The following GRIA4 variants were observed in gnomAD, a reference collection of about 807,000 sequenced individuals.
GRIA4 encodes the protein glutamate receptor 4.
GRIA4 carries 34 observed loss-of-function variants against 104.0 expected under a neutral mutation model. The ratio of observed to expected loss-of-function variants is 0.33; its 90% CI spans 0.25 to 0.44. The LOEUF is 0.44. Among genes scored for constraint, GRIA4 ranks in the 20% least tolerant of loss-of-function variants. The probability of loss-of-function intolerance (pLI) is 1.00; values close to 1 mark genes in which losing one functional copy is unlikely to be tolerated. For synonymous variants in GRIA4, 386 were observed against 381.9 expected, an observed-to-expected ratio of 1.01 and a Z score of -0.13; for missense variants, 750 against 1,096.5, an observed-to-expected ratio of 0.68 and a Z score of 4.46.
intron 4 of GRIA4, among the ~76,000 whole-genome samples, chr11:105,781,919 T>G (rs1333368279): frequency 2.0e-5 from 3 of 152,178 alleles, no homozygotes; most frequent in Admixed American, 6.5e-5. Context: ...TGAGTAATTT[T>G]GCTTAAGGAT....
At chr11:105,951,544 C>A (rs971169423) in intron 14 of GRIA4, among the ~76,000 whole-genome samples, 1 of 152,144 alleles carries the variant, frequency 6.6e-6, no homozygotes, top group Non-Finnish European at 1.5e-5. Flanking sequence ...TGAGTATAGT[C>A]TCAAACACCC....
At chr11:105,798,631 G>A (rs753172936) in intron 4 of GRIA4, among the ~76,000 whole-genome samples, 1 of 152,226 alleles carries the variant, frequency 6.6e-6, no homozygotes, top group South Asian at 2.1e-4. Flanking sequence ...GGAGACTGTG[G>A]CAATAATCTA....
chr11:105,904,725 T>C (rs903091834), intron 8 of GRIA4, among the ~76,000 whole-genome samples: 4 of 152,192 alleles, frequency 2.6e-5, no homozygotes, highest in Non-Finnish European at 5.9e-5. Flanking sequence ...AAAGGAAATT[T>C]GGAATAAAAT....
At chr11:105,617,671 T>C (rs1950634992) in intron 3 of GRIA4, among the ~76,000 whole-genome samples, 1 of 152,104 alleles carries the variant, frequency 6.6e-6, no homozygotes, top group Non-Finnish European at 1.5e-5. Flanking sequence ...TATTATGTAA[T>C]GAAGCCATTC....
intron 4 of GRIA4, among the ~76,000 whole-genome samples, chr11:105,791,866 A>G (rs1250086312): frequency 6.6e-6 from 1 of 152,176 alleles, no homozygotes; most frequent in Non-Finnish European, 1.5e-5. Flanking sequence ...ATAGCATTAA[A>G]GCTTAGTAAG....
chr11:105,911,977 TA>T, intron 10 of GRIA4: 1 of 1,474,690 alleles, frequency 6.8e-7, no homozygotes, highest in Non-Finnish European at 9.1e-7. Flanking sequence ...TTCTCCAGTG[TA>T]GTAAATTTAA....
intron 10 of GRIA4, among the ~76,000 whole-genome samples, chr11:105,918,379 TACTC>T (rs1311012008): frequency 6.6e-6 from 1 of 152,276 alleles, no homozygotes; most frequent in East Asian, 1.9e-4. Flanking sequence ...ATTTTAGAAA[TACTC>T]ATTTCATTGC....
At chr11:105,840,457 A>G (rs1944350530) in intron 4 of GRIA4, among the ~76,000 whole-genome samples, 1 of 152,190 alleles carries the variant, frequency 6.6e-6, no homozygotes, top group South Asian at 2.1e-4. Context: ...AGCATAACTC[A>G]TGGGAACTTT....
At chr11:105,775,294 C>T (rs1388434173) in intron 4 of GRIA4, among the ~76,000 whole-genome samples, 1 of 152,068 alleles carries the variant, frequency 6.6e-6, no homozygotes, top group Non-Finnish European at 1.5e-5. Flanking sequence ...TCACATAAGA[C>T]AATATTCACA....
chr11:105,776,620 A>G (rs1272676632), intron 4 of GRIA4, among the ~76,000 whole-genome samples: 5 of 152,144 alleles, frequency 3.3e-5, no homozygotes, highest in Admixed American at 3.3e-4. Flanking sequence ...ACAAACACAT[A>G]TATCTCAGAT....
At chr11:105,769,143 G>T (rs1012200576) in intron 4 of GRIA4, among the ~76,000 whole-genome samples, 3 of 152,088 alleles carry the variant, frequency 2.0e-5, no homozygotes, top group Non-Finnish European at 2.9e-5. Flanking sequence ...GTCTTGGTCT[G>T]GCTCTCCAGA....
rs1565420297 is a variant in GRIA4 at position 105,634,529 on chromosome 11, A to AAAG, written c.247+22097_247+22098insGAA. 3.2e-4 allele frequency among the ~76,000 whole-genome samples: 29 copies of AAAG among 90,178 alleles called. 1 individual carries two copies. Among genetic ancestry groups the AAAG allele is most frequent in the African/African-American group, 1.0e-3 (29 of 27,780 alleles). The allele number at this position is 90,178 out of a possible 152,430, so 59.2% of individuals were successfully genotyped here. A position where few individuals can be genotyped will look rare whatever the true frequency, so the allele number is the denominator to read the frequency against. ...AGAAAGAAAGAAGAAAGAAAGAAAGAAAAGAAAGAAAAAGAAAAAGAAAAA... is the reference window on the plus strand; with the variant it reads ...AGAAAGAAAGAAGAAAGAAAGAAAGAAAGAAAGAAAGAAAAAGAAAAAGAAAAA... On this transcript the variant is annotated intron_variant, in intron 3 of 16. Transcript: ENST00000282499.
intron 3 of GRIA4, among the ~76,000 whole-genome samples, chr11:105,664,466 G>T (rs976772829): frequency 6.6e-6 from 1 of 151,302 alleles, no homozygotes; most frequent in Non-Finnish European, 1.5e-5. Context: ...ATCCCAAATC[G>T]GGATATAAGC....
intron 3 of GRIA4, among the ~76,000 whole-genome samples, chr11:105,668,943 C>T (rs1230606147): frequency 6.6e-6 from 1 of 151,930 alleles, no homozygotes; most frequent in Non-Finnish European, 1.5e-5. Context: ...CTGTCTCTAA[C>T]CTTCTGCTGG....
intron 3 of GRIA4, among the ~76,000 whole-genome samples, chr11:105,723,829 T>C (rs1056144508): frequency 6.6e-6 from 1 of 152,030 alleles, no homozygotes; most frequent in African/African-American, 2.4e-5. Context: ...TATAATGAAC[T>C]CAATGCAGCG....
intron 3 of GRIA4, among the ~76,000 whole-genome samples, chr11:105,734,724 A>T (rs979008569): frequency 1.3e-5 from 2 of 152,160 alleles, no homozygotes; most frequent in African/African-American, 4.8e-5. Flanking sequence ...ATTTTCATTT[A>T]TGTCTGAGAT....
intron 13 of GRIA4, among the ~76,000 whole-genome samples, chr11:105,932,025 G>GT (rs1947891275): frequency 6.6e-6 from 1 of 150,972 alleles, no homozygotes; most frequent in African/African-American, 2.4e-5. Context: ...ACACAAAGAC[G>GT]TAAGTCTGAA....
At chr11:105,713,250 G>C (rs745514265) in intron 3 of GRIA4, among the ~76,000 whole-genome samples, 1 of 151,938 alleles carries the variant, frequency 6.6e-6, no homozygotes, top group Non-Finnish European at 1.5e-5. Flanking sequence ...GGGCGTCGTG[G>C]TGCCTGCTTT....
At chr11:105,756,921 C>G (rs146170306) in intron 4 of GRIA4, among the ~76,000 whole-genome samples, 1 of 152,110 alleles carries the variant, frequency 6.6e-6, no homozygotes, top group African/African-American at 2.4e-5. Flanking sequence ...AGAAGGAGAA[C>G]AGCTAACTGT....
Sources: gnomAD v4.1 joint callset for allele counts (sites outside exome capture counted in the v4.1 genomes callset) on GRCh38, gnomAD v4.1.1 for gene constraint, MANE v1.5 for transcripts, NCBI Gene and HGNC (gene_info 2026-07-23, HGNC 2026-07-21) for gene names.